GPR39: variants seen among roughly 807,000 people sequenced by gnomAD.
GPR39 encodes G protein-coupled receptor 39.
Under a neutral mutation model 18.4 loss-of-function variants are expected in GPR39, and 23 were observed. The ratio of observed to expected loss-of-function variants is 1.25; its 90% confidence interval spans 0.90 to 1.77. The LOEUF is 1.77. Among genes scored for constraint, GPR39 ranks in the 40% most tolerant of loss-of-function variants. GPR39 has a pLI of 0.00. For missense variants in GPR39, 647 were observed against 602.4 expected (o/e 1.07, Z -0.78); for synonymous variants, 280 against 257.9 (o/e 1.09, Z -0.82).
At chr2:132,577,328 G>T (rs1573677470) in intron 1 of GPR39, among the ~76,000 whole-genome samples, 1 of 150,328 alleles carries the variant, frequency 6.7e-6, no homozygotes, top group African/African-American at 2.5e-5. Flanking sequence ...TTGCACTCCA[G>T]CCTGGGCCCT....
At position 132,470,388 on chromosome 2, in the gene GPR39, A is replaced by C. The variant is rs966092513; in HGVS notation, c.856+52490A>C. 9.9e-5 allele frequency among the ~76,000 whole-genome samples: 15 copies of C among 152,224 alleles called. No homozygotes were observed. The East Asian group carries it at 2.9e-3, about 29-fold the overall frequency. ...GAGGAGGTGAGGCAGTTAGTGATGA[A>C]GACGTCTGGGGAAAGACTGTTCCAG... On this transcript the variant is annotated intron_variant, in intron 1 of 1. Transcript: ENST00000329321.
Position 132,576,731 on chromosome 2 carries a change from C to A in GPR39, c.857-68370C>A, listed in dbSNP as rs528010102. ...TTTAAATTTTTTTTCTAAAATTTTA[C>A]AGAAATTTAGTTTTATATGCAAGTC... On this transcript the variant is annotated intron_variant, in intron 1 of 1. Transcript: ENST00000329321. Among the ~76,000 whole-genome samples the A allele has an allele frequency of 3.9e-5, 6 of 152,196 alleles. 1 individual carries two copies. The highest frequency in any genetic ancestry group is 1.4e-4 in the African/African-American group (6 of 41,542).
chr2:132,426,186 A>T (rs1364436700), intron 1 of GPR39, among the ~76,000 whole-genome samples: 2 of 152,212 alleles, frequency 1.3e-5, no homozygotes, highest in African/African-American at 4.8e-5. Flanking sequence ...AGCCATTCAC[A>T]GATCCACCAA....
chr2:132,488,386 G>A (rs1332984123), intron 1 of GPR39, among the ~76,000 whole-genome samples: 1 of 152,174 alleles, frequency 6.6e-6, no homozygotes, highest in African/African-American at 2.4e-5. Context: ...AACCCTTGCT[G>A]CATAGATATT....
intron 1 of GPR39, among the ~76,000 whole-genome samples, chr2:132,485,427 A>G (rs1279882320): frequency 6.6e-6 from 1 of 152,210 alleles, no homozygotes; most frequent in Non-Finnish European, 1.5e-5. Context: ...ACTCTTCTTC[A>G]ACAAAAGATT....
chr2:132,476,023 C>A (rs1284222168), intron 1 of GPR39, among the ~76,000 whole-genome samples: 1 of 152,084 alleles, frequency 6.6e-6, no homozygotes, highest in Admixed American at 6.5e-5. Context: ...CACTTAGCAG[C>A]AGCAGAGGGA....
intron 1 of GPR39, among the ~76,000 whole-genome samples, chr2:132,434,128 G>T (rs888673651): frequency 3.9e-5 from 6 of 151,998 alleles, no homozygotes; most frequent in African/African-American, 1.4e-4. Context: ...GGTATTTAAT[G>T]CAGATGAGAG....
intron 1 of GPR39, among the ~76,000 whole-genome samples, chr2:132,430,463 G>C (rs1680206344): frequency 6.6e-6 from 1 of 152,186 alleles, no homozygotes; most frequent in Non-Finnish European, 1.5e-5. Flanking sequence ...TAGCAAGTAA[G>C]AAGGAATTTA....
intron 1 of GPR39, among the ~76,000 whole-genome samples, chr2:132,426,528 C>G (rs962733328): frequency 6.6e-6 from 1 of 152,320 alleles, no homozygotes; most frequent in South Asian, 2.1e-4. Flanking sequence ...AAGGGAGATG[C>G]CTGTACCCCT....
chr2:132,421,034 A>G (rs1054245349), intron 1 of GPR39, among the ~76,000 whole-genome samples: 4 of 152,198 alleles, frequency 2.6e-5, no homozygotes, highest in African/African-American at 9.7e-5. Context: ...GTGGCATGGT[A>G]ATATTTGTCC....
At chr2:132,442,450 C>G (rs755613075) in intron 1 of GPR39, among the ~76,000 whole-genome samples, 1 of 152,090 alleles carries the variant, frequency 6.6e-6, no homozygotes, top group Non-Finnish European at 1.5e-5. Context: ...TCTAAATGTC[C>G]GCTCCCTGAC....
intron 1 of GPR39, among the ~76,000 whole-genome samples, chr2:132,493,263 T>C (rs542046159): frequency 4.8e-5 from 7 of 144,510 alleles, no homozygotes; most frequent in Non-Finnish European, 9.0e-5. Flanking sequence ...ACCATATATA[T>C]ACCATATATG....
intron 1 of GPR39, among the ~76,000 whole-genome samples, chr2:132,454,989 G>A (rs900208092): frequency 2.0e-5 from 3 of 152,144 alleles, no homozygotes; most frequent in Admixed American, 2.0e-4. Context: ...GATGATGTTG[G>A]CCTCATAAAA....
intron 1 of GPR39, among the ~76,000 whole-genome samples, chr2:132,620,367 G>T (rs1379094252): frequency 6.6e-6 from 1 of 152,006 alleles, no homozygotes; most frequent in Non-Finnish European, 1.5e-5. Context: ...ATATCTTCTG[G>T]CCTGTGACTC....
chr2:132,623,342 C>G (rs1398077725), intron 1 of GPR39, among the ~76,000 whole-genome samples: 1 of 152,110 alleles, frequency 6.6e-6, no homozygotes, highest in Non-Finnish European at 1.5e-5. Flanking sequence ...CTCCACGCTC[C>G]TGATACCGTT....
chr2:132,499,409 A>T (rs957507239), intron 1 of GPR39, among the ~76,000 whole-genome samples: 6 of 152,104 alleles, frequency 3.9e-5, no homozygotes, highest in African/African-American at 1.4e-4. Flanking sequence ...CCCTTGGTCT[A>T]GGTGCCTATT....
intron 1 of GPR39, among the ~76,000 whole-genome samples, chr2:132,629,968 G>A (rs1681618792): frequency 6.6e-6 from 1 of 152,134 alleles, no homozygotes; most frequent in Admixed American, 6.5e-5. Context: ...CAACGATAGT[G>A]CGTCTTATTG....
At chr2:132,462,546 T>C (rs1310158323) in intron 1 of GPR39, among the ~76,000 whole-genome samples, 1 of 152,242 alleles carries the variant, frequency 6.6e-6, no homozygotes, top group Non-Finnish European at 1.5e-5. Context: ...TGAGGCTTAA[T>C]GTTACATCTT....
At chr2:132,483,484 A>T (rs987924458) in intron 1 of GPR39, among the ~76,000 whole-genome samples, 1 of 152,194 alleles carries the variant, frequency 6.6e-6, no homozygotes, top group African/African-American at 2.4e-5. Context: ...TATGCCTTCC[A>T]TGTTGTGAAA....
Sources: allele counts gnomAD v4.1 joint callset (sites outside exome capture counted in the v4.1 genomes callset), GRCh38; gene constraint gnomAD v4.1.1; transcripts MANE v1.5; gene names NCBI Gene and HGNC (gene_info 2026-07-23, HGNC 2026-07-21).